The following RNF144A variants were observed in gnomAD, a reference collection of about 807,000 sequenced individuals.
RNF144A encodes the protein ring finger protein 144A, also known as E3 ubiquitin-protein ligase RNF144A.
Under a neutral mutation model 38.7 loss-of-function variants are expected in RNF144A, and 11 were observed. The ratio of observed to expected loss-of-function variants is 0.28; its 90% CI spans 0.18 to 0.47. The LOEUF (loss-of-function observed/expected upper bound fraction) is 0.47, where lower values mean the gene tolerates loss of function less well. Ranked by LOEUF, RNF144A falls within the 20% of genes least tolerant of loss-of-function variation. The probability of loss-of-function intolerance (pLI) is 0.99; values close to 1 mark genes in which losing one functional copy is unlikely to be tolerated. For synonymous variants in RNF144A, 149 were observed against 143.9 expected (o/e 1.04, Z -0.25); for missense variants, 316 against 377.2 (o/e 0.84, Z 1.34).
In RNF144A at chr2:7,041,907, G is replaced by T; in HGVS notation, c.*2147G>T. ...TCTAGAGGGACAGGCTGTTCTGTTG[G>T]AAGAGTCTCTGGCCCAGTCATGCAC... is the stretch of plus-strand genomic sequence containing the variant. On this transcript the variant is annotated 3_prime_UTR_variant, in exon 9 of 9. Transcript: ENST00000320892. 1.0e-6 allele frequency: 1 copy of T among 985,412 alleles called. No individual in the cohort carries two copies. Among genetic ancestry groups the T allele is most frequent in the South Asian group, 4.7e-5 (1 of 21,282 alleles). 61.0% of individuals were successfully genotyped at this position (985,412 alleles called of 1,614,324 possible). A position where few individuals can be genotyped will look rare whatever the true frequency, so the allele number is the denominator to read the frequency against.
In RNF144A at chr2:7,043,840, A is replaced by G. The variant is rs1673191066; in HGVS notation, c.*4080A>G. 9 of 985,540 alleles carry G rather than the reference A, an allele frequency of 9.1e-6. No homozygotes were observed. Among genetic ancestry groups the G allele is most frequent in the South Asian group, 4.7e-5 (1 of 21,276 alleles). 61.0% of individuals were successfully genotyped at this position (985,540 alleles called of 1,614,324 possible). A position where few individuals can be genotyped will look rare whatever the true frequency, so the allele number is the denominator to read the frequency against. On this transcript the variant is annotated 3_prime_UTR_variant, in exon 9 of 9. Transcript: ENST00000320892. ...TCTTTCCTTCTTTGCTCACTTTACT[A>G]TGGGTGTATTTTAATCTTGTATAAA... is the stretch of plus-strand genomic sequence containing the variant.
At chr2:7,026,695 C>CAAA (rs1671925435) in intron 7 of RNF144A, among the ~76,000 whole-genome samples, 1 of 152,116 alleles carries the variant, frequency 6.6e-6, no homozygotes, top group Non-Finnish European at 1.5e-5. Flanking sequence ...GTTTGGTTTC[C>CAAA]CCAGGCTGCT....
intron 2 of RNF144A, among the ~76,000 whole-genome samples, chr2:6,992,611 G>T (rs1669466776): frequency 6.6e-6 from 1 of 152,214 alleles, no homozygotes; most frequent in Non-Finnish European, 1.5e-5. Flanking sequence ...GTAAGAGGTG[G>T]ATGATGACTG....
downstream of RNF144A, among the ~76,000 whole-genome samples, chr2:7,069,503 TTTG>T (rs1674375900): frequency 6.6e-6 from 1 of 152,188 alleles, no homozygotes; most frequent in Admixed American, 6.5e-5. Context: ...CCCCTGTCTC[TTTG>T]TTGTTGTTGA....
chr2:6,973,274 A>G (rs933809221), intron 2 of RNF144A, among the ~76,000 whole-genome samples: 1 of 152,234 alleles, frequency 6.6e-6, no homozygotes, highest in African/African-American at 2.4e-5. Context: ...GTTGTGTCTA[A>G]TATTAGACTC....
Position 7,042,869 on chromosome 2 carries a change from C to CT in RNF144A, c.*3118dup, listed in dbSNP as rs939594064. 227 of 978,770 alleles carry CT rather than the reference C, an allele frequency of 2.3e-4. No individual in the cohort carries two copies. Among genetic ancestry groups the CT allele is most frequent in the East Asian group, 6.8e-4 (6 of 8,782 alleles). The allele number at this position is 978,770 out of a possible 1,614,324, so 60.6% of individuals were successfully genotyped here. A position where few individuals can be genotyped will look rare whatever the true frequency, so the allele number is the denominator to read the frequency against. ...ATCTGCCACCTCTGGCATTTTCTTTCTTTTTTTTTCTTTTTGAGACGGAGT... is the reference window on the plus strand; with the variant it reads ...ATCTGCCACCTCTGGCATTTTCTTTCTTTTTTTTTTCTTTTTGAGACGGAGT... On this transcript the variant is annotated 3_prime_UTR_variant, in exon 9 of 9. Transcript: ENST00000320892.
chr2:6,996,701 C>T, intron 2 of RNF144A: 1 of 532,370 alleles, frequency 1.9e-6, no homozygotes, highest in Non-Finnish European at 3.4e-6. Flanking sequence ...TTGCAGTGAG[C>T]TAGATTGCAC....
chr2:7,024,168 G>A (rs565017004), intron 6 of RNF144A, among the ~76,000 whole-genome samples: 2 of 152,050 alleles, frequency 1.3e-5, no homozygotes, highest in Admixed American at 1.3e-4. Flanking sequence ...CTAACTCAAA[G>A]TGGCTGATTC....
intron 1 of RNF144A, among the ~76,000 whole-genome samples, chr2:6,923,581 C>T (rs751642177): frequency 2.5e-4 from 38 of 152,354 alleles, no homozygotes; most frequent in Non-Finnish European, 4.3e-4. Flanking sequence ...TGCTGCCTTT[C>T]CTTCCAGCTG....
chr2:6,983,248 G>A (rs998145067), intron 2 of RNF144A, among the ~76,000 whole-genome samples: 1 of 152,178 alleles, frequency 6.6e-6, no homozygotes, highest in Non-Finnish European at 1.5e-5. Context: ...GGAATTTAAA[G>A]GCTCCAGTTT....
At chr2:6,973,177 G>A (rs3772001) in intron 2 of RNF144A, among the ~76,000 whole-genome samples, 23,442 of 152,188 alleles carry the variant, frequency 0.15, 1,872 homozygotes, top group East Asian at 0.2. Context: ...AAGTGTTGGC[G>A]ATTTGCCTAC....
intron 2 of RNF144A, among the ~76,000 whole-genome samples, chr2:6,996,139 C>T (rs984024058): frequency 1.3e-5 from 2 of 152,196 alleles, no homozygotes; most frequent in Non-Finnish European, 2.9e-5. Context: ...TTCTGTTGGA[C>T]GTCTACCTTC....
intron 1 of RNF144A, among the ~76,000 whole-genome samples, chr2:6,936,694 CTT>C (rs1665607970): frequency 6.6e-6 from 1 of 152,064 alleles, no homozygotes; most frequent in African/African-American, 2.4e-5. Context: ...ACCATTGAGT[CTT>C]TTGTTCATAA....
downstream of RNF144A, chr2:7,068,353 T>G (rs1407500100): frequency 2.6e-6 from 2 of 777,290 alleles, no homozygotes; most frequent in Non-Finnish European, 3.9e-6. Context: ...ACCGTGAAAC[T>G]TTATAGTGAA....
At chr2:6,953,620 A>T (rs1415111503) in intron 2 of RNF144A, among the ~76,000 whole-genome samples, 1 of 152,152 alleles carries the variant, frequency 6.6e-6, no homozygotes, top group Non-Finnish European at 1.5e-5. Flanking sequence ...TCTTAATTGC[A>T]TTGAGGTCAG....
At chr2:6,959,106 G>C (rs1667180188) in intron 2 of RNF144A, among the ~76,000 whole-genome samples, 1 of 152,198 alleles carries the variant, frequency 6.6e-6, no homozygotes, top group South Asian at 2.1e-4. Context: ...TGAGAGGACA[G>C]GGCCTCTGCA....
At chr2:6,978,478 G>A (rs147365735) in intron 2 of RNF144A, 35 of 152,186 alleles carry the variant, frequency 2.3e-4, no homozygotes, top group African/African-American at 8.0e-4. Context: ...ACCCAAGTTC[G>A]AACGTGGGGC....
intron 3 of RNF144A, among the ~76,000 whole-genome samples, chr2:7,006,899 GAT>G: frequency 6.6e-6 from 1 of 152,258 alleles, no homozygotes; most frequent in Non-Finnish European, 1.5e-5. Context: ...CTAGAAATTT[GAT>G]GTCTATTAAG....
intron 8 of RNF144A, among the ~76,000 whole-genome samples, chr2:7,037,313 G>A (rs548597461): frequency 1.3e-5 from 2 of 152,356 alleles, no homozygotes; most frequent in Admixed American, 6.5e-5. Context: ...CGAAGATGGT[G>A]TGTGATTGGC....
Sources: gnomAD v4.1 joint callset for allele counts (sites outside exome capture counted in the v4.1 genomes callset) on GRCh38, gnomAD v4.1.1 for gene constraint, MANE v1.5 for transcripts, NCBI Gene and HGNC (gene_info 2026-07-23, HGNC 2026-07-21) for gene names.